PTDSS1: variants seen among roughly 807,000 people sequenced by gnomAD.
PTDSS1 encodes the protein phosphatidylserine synthase 1, also known as PSS-1.
PTDSS1 carries 45 observed loss-of-function variants against 70.5 expected under a neutral mutation model. The observed-to-expected ratio is 0.64, with a 90% CI of 0.50 to 0.82. The LOEUF is 0.82. Ranked by LOEUF, PTDSS1 falls within the 40% of genes least tolerant of loss-of-function variation. PTDSS1 has a pLI of 0.00. For synonymous variants in PTDSS1, 188 were observed against 203.8 expected (o/e 0.92, Z 0.66); for missense variants, 417 against 586.1 (o/e 0.71, Z 2.98).
chr8:96,278,111 G>A lies in PTDSS1; in HGVS notation c.271+4721G>A, dbSNP rs138240822. ...TGCCAGCCATGTAGTGGCAGGCAATGGCCAGCAGATGAAGAGATCATCTCT... is the reference window on the plus strand; with the variant it reads ...TGCCAGCCATGTAGTGGCAGGCAATAGCCAGCAGATGAAGAGATCATCTCT... On this transcript the variant is annotated intron_variant, in intron 2 of 12. Coordinates refer to ENST00000517309, the MANE Select transcript of PTDSS1 (RefSeq NM_014754.3). Among the ~76,000 whole-genome samples the A allele has an allele frequency of 7.2e-3, 1,100 of 152,310 alleles. 15 individuals carry two copies. The highest frequency in any genetic ancestry group is 0.025 in the African/African-American group (1,045 of 41,558).
At chr8:96,330,803 A>G (rs1356742926) in intron 11 of PTDSS1, 13 of 541,634 alleles carry the variant, frequency 2.4e-5, no homozygotes, top group Non-Finnish European at 2.9e-5. Flanking sequence ...CCTTCAGTCT[A>G]AAGAACTTAA....
chr8:96,280,030 T>A (rs1810713017), intron 2 of PTDSS1, among the ~76,000 whole-genome samples: 1 of 152,134 alleles, frequency 6.6e-6, no homozygotes, highest in Admixed American at 6.5e-5. Context: ...ATGTCTGATT[T>A]TTATTAAAAT....
chr8:96,274,739 A>G (rs1025454451), intron 2 of PTDSS1, among the ~76,000 whole-genome samples: 1 of 152,078 alleles, frequency 6.6e-6, no homozygotes, highest in Non-Finnish European at 1.5e-5. Context: ...TAATAATAAT[A>G]ATAATAATCC....
chr8:96,290,685 T>A (rs1198237294), intron 4 of PTDSS1, among the ~76,000 whole-genome samples: 2 of 152,062 alleles, frequency 1.3e-5, no homozygotes, highest in African/African-American at 4.8e-5. Flanking sequence ...GGTTCCTTTA[T>A]GCAAGACAGG....
intron 4 of PTDSS1, among the ~76,000 whole-genome samples, chr8:96,291,652 A>G (rs1224333721): frequency 6.6e-6 from 1 of 152,136 alleles, no homozygotes; most frequent in Non-Finnish European, 1.5e-5. Flanking sequence ...CTGAAAATTT[A>G]TTTGTCAAAG....
rs1179423464 is a variant in PTDSS1, at chr8:96,306,426, T to C, written c.895-18T>C. ...TAGCATGAGGTACCAGGTTGACTAA[T>C]TTCTCCGTCTTTTTCAGCTGACTGA... On this transcript the variant is annotated intron_variant, in intron 7 of 12. Coordinates refer to ENST00000517309, the MANE Select transcript of PTDSS1 (RefSeq NM_014754.3). 1.3e-6 allele frequency: 2 copies of C among 1,586,670 alleles called. No homozygotes were observed. Among genetic ancestry groups the C allele is most frequent in the Admixed American group, 1.7e-5 (1 of 59,878 alleles).
intron 4 of PTDSS1, 143 bp from the exon 5 acceptor site, chr8:96,294,955 G>T: frequency 1.3e-6 from 1 of 744,260 alleles, no homozygotes. Context: ...AGGCCCTTAA[G>T]TTATTAAAAC....
At position 96,276,984 on chromosome 8, in the gene PTDSS1, A is replaced by G. The variant is rs868429442; in HGVS notation, c.271+3594A>G. Among the ~76,000 whole-genome samples, 351 of 145,128 alleles carry G rather than the reference A, an allele frequency of 2.4e-3. 1 individual carries two copies. Among genetic ancestry groups the G allele is most frequent in the East Asian group, 5.9e-3 (27 of 4,568 alleles). On this transcript the variant is annotated intron_variant, in intron 2 of 12. Transcript: ENST00000517309. ...CATACACGCGCGCACGCGCGCGCAC[A>G]CACACACACACACACACACACACAC...
intron 1 of PTDSS1, among the ~76,000 whole-genome samples, chr8:96,264,145 T>C (rs1001577565): frequency 6.6e-6 from 1 of 152,240 alleles, no homozygotes; most frequent in Non-Finnish European, 1.5e-5. Flanking sequence ...TAACTATGGT[T>C]ACTTTCAAAT....
In PTDSS1 at chr8:96,262,898, G is replaced by C. The variant is rs747662311; in HGVS notation, c.179+679G>C. ...CCACTCTAAACACACACCTCACAGC[G>C]GACCTTTCCTTTCCAGCACAGCCCA... On this transcript the variant is annotated intron_variant, in intron 1 of 12. Transcript: ENST00000517309. This position sits in a 1 kb window ranked among gnomAD's most constrained non-coding sequence, Gnocchi z 4.4. Among the ~76,000 whole-genome samples the C allele has an allele frequency of 2.3e-4, 35 of 152,044 alleles. No individual in the cohort carries two copies. Among genetic ancestry groups the C allele is most frequent in the Non-Finnish European group, 4.4e-4 (30 of 68,018 alleles).
chr8:96,303,608 G>T (rs1057166829), intron 6 of PTDSS1, among the ~76,000 whole-genome samples: 7 of 152,148 alleles, frequency 4.6e-5, no homozygotes, highest in African/African-American at 1.7e-4. Context: ...TAAACTGTAG[G>T]ACTGTTTAGT....
At chr8:96,282,404 G>A (rs1421652047) in intron 2 of PTDSS1, among the ~76,000 whole-genome samples, 1 of 152,192 alleles carries the variant, frequency 6.6e-6, no homozygotes, top group East Asian at 1.9e-4. Flanking sequence ...ATTTTGAAAA[G>A]GAATATAGGT....
intron 2 of PTDSS1, among the ~76,000 whole-genome samples, chr8:96,274,080 A>G (rs2130009665): frequency 6.6e-6 from 1 of 151,196 alleles, no homozygotes; most frequent in South Asian, 2.1e-4. Flanking sequence ...CCTTTCCACT[A>G]GAATATTCTC....
chr8:96,301,900 T>G (rs1811056321), intron 6 of PTDSS1, among the ~76,000 whole-genome samples: 1 of 152,194 alleles, frequency 6.6e-6, no homozygotes, highest in Non-Finnish European at 1.5e-5. Context: ...GAGGAGGAGA[T>G]TTCACAATGT....
At chr8:96,299,635 A>C in intron 5 of PTDSS1, 59 bp from the exon 6 acceptor site, 1 of 1,474,146 alleles carries the variant, frequency 6.8e-7, no homozygotes, top group Middle Eastern at 1.9e-4. Context: ...AAATCTATCT[A>C]TCTGCATGGT....
intron 1 of PTDSS1, among the ~76,000 whole-genome samples, chr8:96,268,406 G>A (rs1810516894): frequency 6.6e-6 from 1 of 152,146 alleles, no homozygotes; most frequent in Admixed American, 6.5e-5. Context: ...GAGAAGATGG[G>A]AGGGGGAGAG....
At chr8:96,271,652 A>G (rs1810568063) in intron 1 of PTDSS1, among the ~76,000 whole-genome samples, 1 of 152,208 alleles carries the variant, frequency 6.6e-6, no homozygotes, top group South Asian at 2.1e-4. Flanking sequence ...ATTTATTTAT[A>G]CTGCTACCAG....
In PTDSS1 at chr8:96,335,976, G is replaced by A. The variant is rs1811588894; in HGVS notation, c.*2410G>A. On this transcript the variant is annotated 3_prime_UTR_variant, in exon 13 of 13. Transcript: ENST00000517309. Reference sequence around the variant, plus strand: ...ACCTAAAGCTTGAAGAACGGTTTATGTATTTTTCTCCTTAAGTAGCATTGC... The same window carrying A: ...ACCTAAAGCTTGAAGAACGGTTTATATATTTTTCTCCTTAAGTAGCATTGC... 6.6e-6 allele frequency: 1 copy of A among 152,158 alleles called. No individual in the cohort carries two copies. The highest frequency in any genetic ancestry group is 1.5e-5 in the Non-Finnish European group (1 of 68,020). 9.4% of individuals were successfully genotyped at this position (152,158 alleles called of 1,614,324 possible).
intron 7 of PTDSS1, 77 bp from the exon 8 acceptor site, chr8:96,306,367 A>G: frequency 9.9e-7 from 1 of 1,015,078 alleles, no homozygotes. Context: ...TTCTAATTGT[A>G]GAATGTCTAT....
Sources: allele counts gnomAD v4.1 joint callset (sites outside exome capture counted in the v4.1 genomes callset), GRCh38; gene constraint gnomAD v4.1.1; non-coding constraint Gnocchi (gnomAD v3.1); transcripts MANE v1.5; gene names NCBI Gene and HGNC (gene_info 2026-07-23, HGNC 2026-07-21).